Variants in GAS2L3 observed in about 807,000 individuals in gnomAD.
The protein encoded by GAS2L3 is growth arrest specific 2 like 3, also known as GAS2-like protein 3.
Under a neutral mutation model 37.0 loss-of-function variants are expected in GAS2L3, and 28 were observed. The observed-to-expected ratio is 0.76, with a 90% CI of 0.56 to 1.04. The LOEUF (loss-of-function observed/expected upper bound fraction) is 1.04, where lower values mean the gene tolerates loss of function less well. Among genes scored for constraint, GAS2L3 ranks in the 50% least tolerant of loss-of-function variants. The pLI is 0.00. For missense variants in GAS2L3, 793 were observed against 817.6 expected (o/e 0.97, Z 0.37); for synonymous variants, 290 against 296.6 (o/e 0.98, Z 0.23).
intron 6 of GAS2L3, among the ~76,000 whole-genome samples, chr12:100,613,249 G>A (rs1161526195): frequency 1.3e-5 from 2 of 152,154 alleles, no homozygotes; most frequent in Non-Finnish European, 2.9e-5. Context: ...TCACTCTCCT[G>A]AAGGTCAGTA....
chr12:100,579,646 G>T (rs1955684651), intron 1 of GAS2L3: 3 of 777,274 alleles, frequency 3.9e-6, no homozygotes, highest in Non-Finnish European at 7.2e-6. Flanking sequence ...TTAGTTCAAG[G>T]ACATATTTTT....
chr12:100,574,076 T>TG (rs2136351218), intron 1 of GAS2L3: 1 of 152,504 alleles, frequency 6.6e-6, no homozygotes, highest in African/African-American at 2.4e-5. Context: ...CGGTTGGGGC[T>TG]GCTGGTGTGG....
chr12:100,623,466 A>C (rs750077528), intron 9 of GAS2L3, 96 bp from the exon 10 acceptor site: 6 of 1,113,754 alleles, frequency 5.4e-6, no homozygotes, highest in Admixed American at 5.0e-5. Context: ...TCTGAATTTT[A>C]TAGATCACAG....
rs139607695 is a variant in GAS2L3, at chr12:100,610,106, C to T, written c.304-1894C>T. ...AAGACGAATGGCGTAGGTTTGTATG[C>T]GGCTATCTCGCTCTGCCCCCTAAAG... is the stretch of plus-strand genomic sequence containing the variant. On this transcript the variant is annotated intron_variant, in intron 5 of 9. Coordinates refer to ENST00000547754, the MANE Select transcript of GAS2L3 (RefSeq NM_174942.3). Among the ~76,000 whole-genome samples, 26 of 152,236 alleles carry T rather than the reference C, an allele frequency of 1.7e-4. 1 individual carries two copies. The highest frequency in any genetic ancestry group is 2.1e-4 in the South Asian group (1 of 4,822).
At chr12:100,594,836 C>A in intron 2 of GAS2L3, 39 bp from the exon 3 acceptor site, 1 of 697,934 alleles carries the variant, frequency 1.4e-6, no homozygotes, top group South Asian at 3.0e-5. Context: ...GCAAAACTGC[C>A]ACTGTTAACT....
chr12:100,589,532 C>A (rs181149149), intron 1 of GAS2L3, among the ~76,000 whole-genome samples: 2 of 152,038 alleles, frequency 1.3e-5, no homozygotes, highest in African/African-American at 4.8e-5. Context: ...CAATCCCCAT[C>A]GAAATACCAC....
chr12:100,616,118 A>G (rs1187188446), intron 6 of GAS2L3, among the ~76,000 whole-genome samples: 1 of 152,230 alleles, frequency 6.6e-6, no homozygotes, highest in African/African-American at 2.4e-5. Context: ...ATCCATGAAC[A>G]TGAGATGTCT....
At chr12:100,623,447 G>A in intron 9 of GAS2L3, 115 bp from the exon 10 acceptor site, 1 of 847,138 alleles carries the variant, frequency 1.2e-6, no homozygotes, top group Non-Finnish European at 1.8e-6. Context: ...TGAGGCTGTT[G>A]GCAAATGCTC....
chr12:100,599,893 C>T (rs11608732), intron 3 of GAS2L3, among the ~76,000 whole-genome samples: 5,950 of 152,176 alleles, frequency 0.039, 163 homozygotes, highest in Non-Finnish European at 0.061. Context: ...TTCATTAATT[C>T]GGGGTTTTCT....
chr12:100,608,357 G>A (rs753907135), intron 5 of GAS2L3, among the ~76,000 whole-genome samples: 9 of 151,994 alleles, frequency 5.9e-5, no homozygotes, highest in African/African-American at 2.2e-4. Context: ...ACTGGGTCTC[G>A]CCCAAGACCT....
rs749385102 is a variant in GAS2L3 at position 100,622,312 on chromosome 12, C to G, written c.686C>G (p.Ser229Cys). Residue 229 changes from serine to cysteine, a missense_variant, in exon 9 of 10, where the codon TCT becomes TGT. Coordinates refer to ENST00000547754, the MANE Select transcript of GAS2L3 (RefSeq NM_174942.3). ...GCTGAGGACCCTCCTTGTAGTTGTT[C>G]TCATCGATTTTCTATTGAGTATTTA... ...HIAEDPPCSC[S>C]HRFSIEYLSE... The G allele has an allele frequency of 1.2e-6, 2 of 1,605,542 alleles. No homozygotes were observed. Among genetic ancestry groups the G allele is most frequent in the Non-Finnish European group, 1.7e-6 (2 of 1,173,154 alleles).
chr12:100,574,539 A>T (rs1299150088), intron 1 of GAS2L3, among the ~76,000 whole-genome samples: 1 of 152,158 alleles, frequency 6.6e-6, no homozygotes, highest in African/African-American at 2.4e-5. Context: ...CTATGCAGTC[A>T]CCCGTGGTTC....
chr12:100,602,691 T>A (rs1956006692), intron 5 of GAS2L3, among the ~76,000 whole-genome samples: 1 of 152,120 alleles, frequency 6.6e-6, no homozygotes, highest in Non-Finnish European at 1.5e-5. Context: ...ATTAAATTAT[T>A]ATTGACTGTA....
intron 3 of GAS2L3, among the ~76,000 whole-genome samples, chr12:100,598,699 T>A (rs946365356): frequency 4.6e-5 from 7 of 152,210 alleles, no homozygotes; most frequent in African/African-American, 1.7e-4. Context: ...ATTCCTATCA[T>A]TTATCTCAAT....
intron 8 of GAS2L3, chr12:100,618,832 A>T: frequency 2.4e-6 from 1 of 411,178 alleles, no homozygotes; most frequent in Admixed American, 4.3e-5. Flanking sequence ...ACAGATTGGA[A>T]CTCATCATGA....
At position 100,626,719 on chromosome 12, in the gene GAS2L3, G is replaced by A. The variant is rs940386679; in HGVS notation, c.*1829G>A. ...GATTTTACAATATGTAATTTATGTT[G>A]TTTACAGTATATAAACACTAAGTTT... On this transcript the variant is annotated 3_prime_UTR_variant, in exon 10 of 10. Coordinates refer to ENST00000547754, the MANE Select transcript of GAS2L3 (RefSeq NM_174942.3). 3 of 152,122 alleles carry A rather than the reference G, an allele frequency of 2.0e-5. No homozygotes were observed. Among genetic ancestry groups the A allele is most frequent in the Non-Finnish European group, 4.4e-5 (3 of 68,010 alleles). The allele number at this position is 152,122 out of a possible 1,614,324, so 9.4% of individuals were successfully genotyped here.
At chr12:100,583,682 C>A (rs535716274) in intron 1 of GAS2L3, among the ~76,000 whole-genome samples, 1 of 152,178 alleles carries the variant, frequency 6.6e-6, no homozygotes, top group Admixed American at 6.5e-5. Context: ...CCATGTTAGC[C>A]AGGATGGTCT....
intron 2 of GAS2L3, chr12:100,592,518 T>C (rs1281630390): frequency 6.6e-6 from 1 of 152,166 alleles, no homozygotes; most frequent in African/African-American, 2.4e-5. Flanking sequence ...AATCCCATTA[T>C]GGTATGAAGT....
chr12:100,586,816 G>C (rs946714949), intron 1 of GAS2L3, among the ~76,000 whole-genome samples: 4 of 152,064 alleles, frequency 2.6e-5, no homozygotes, highest in Non-Finnish European at 5.9e-5. Context: ...AAATAAAATT[G>C]ATAGACCATT....
Sources: gnomAD v4.1 joint callset for allele counts (sites outside exome capture counted in the v4.1 genomes callset) on GRCh38, gnomAD v4.1.1 for gene constraint, MANE v1.5 for transcripts, NCBI Gene and HGNC (gene_info 2026-07-23, HGNC 2026-07-21) for gene names.